Variants in CELF2 observed in about 807,000 individuals in gnomAD.
CELF2 encodes the protein CUGBP Elav-like family member 2.
Under a neutral mutation model 62.6 loss-of-function variants are expected in CELF2, and 8 were observed. The ratio of observed to expected loss-of-function variants is 0.13; its 90% CI spans 0.07 to 0.23. The LOEUF is 0.23. Ranked by LOEUF, CELF2 falls within the 10% of genes least tolerant of loss-of-function variation. CELF2 has a pLI of 1.00. For missense variants in CELF2, 333 were observed against 671.0 expected, an observed-to-expected ratio of 0.50 and a Z score of 5.56; for synonymous variants, 258 against 250.0, an observed-to-expected ratio of 1.03 and a Z score of -0.30.
chr10:11,004,663 T>C (rs570040739), upstream of CELF2, among the ~76,000 whole-genome samples: 28 of 152,252 alleles, frequency 1.8e-4, no homozygotes, highest in African/African-American at 5.8e-4. This position sits in a 1 kb window ranked among gnomAD's most constrained non-coding sequence, Gnocchi z 5.0. Flanking sequence ...GCCTGCCTCC[T>C]TTAGATACCC....
the CELF2 span, among the ~76,000 whole-genome samples, chr10:10,557,642 A>G: frequency 2.0e-5 from 3 of 152,050 alleles, no homozygotes; most frequent in Non-Finnish European, 2.9e-5. Flanking sequence ...CCATTTTCAC[A>G]ATATTGATTC....
At chr10:10,946,341 G>A (rs2047680230) in intron 2 of CELF2, 1 of 152,414 alleles carries the variant, frequency 6.6e-6, no homozygotes, top group South Asian at 2.1e-4. Context: ...CATTAAGGGT[G>A]TAGAAATTGT....
intron 2 of CELF2, among the ~76,000 whole-genome samples, chr10:11,172,725 A>C (rs1215464184): frequency 6.6e-6 from 1 of 152,256 alleles, no homozygotes; most frequent in Non-Finnish European, 1.5e-5. Flanking sequence ...AAAGACCGAC[A>C]GAGCGAGCTA....
intron 2 of CELF2, among the ~76,000 whole-genome samples, chr10:10,989,995 A>C (rs1436098028): frequency 6.6e-6 from 1 of 152,172 alleles, no homozygotes; most frequent in Non-Finnish European, 1.5e-5. Context: ...ACTCTTGTAT[A>C]TGGGGGAATG....
intron 1 of CELF2, among the ~76,000 whole-genome samples, chr10:11,132,183 T>C (rs988212729): frequency 2.0e-5 from 3 of 152,382 alleles, no homozygotes; most frequent in Middle Eastern, 3.4e-3. Context: ...TAAACATGTC[T>C]ACCAGTGTGT....
At chr10:10,869,450 T>C (rs892056823) in intron 1 of CELF2, among the ~76,000 whole-genome samples, 1 of 151,990 alleles carries the variant, frequency 6.6e-6, no homozygotes, top group Non-Finnish European at 1.5e-5. Flanking sequence ...TAATCCCAGC[T>C]ACTTGGGAGG....
At chr10:10,505,548 G>A in the CELF2 span, among the ~76,000 whole-genome samples, 1 of 151,990 alleles carries the variant, frequency 6.6e-6, no homozygotes. Flanking sequence ...AGGGAAAGGG[G>A]GACCTCATTA....
intron 1 of CELF2, among the ~76,000 whole-genome samples, chr10:11,105,930 G>C (rs143203330): frequency 1.2e-3 from 185 of 152,318 alleles, no homozygotes; most frequent in African/African-American, 4.3e-3. Context: ...GCATTATATA[G>C]TGTCTGGTTC....
chr10:11,054,086 A>G (rs2064595952), intron 1 of CELF2, among the ~76,000 whole-genome samples: 1 of 152,252 alleles, frequency 6.6e-6, no homozygotes, highest in Admixed American at 6.5e-5. Context: ...AGTAAGCAAC[A>G]CATAATTCAA....
At chr10:10,722,180 G>A in the CELF2 span, among the ~76,000 whole-genome samples, 26 of 151,992 alleles carry the variant, frequency 1.7e-4, no homozygotes, top group East Asian at 5.0e-3. Flanking sequence ...GCACAAACCT[G>A]TAGTCCCAGC....
the CELF2 span, among the ~76,000 whole-genome samples, chr10:10,735,227 A>G: frequency 1.3e-5 from 2 of 152,226 alleles, no homozygotes; most frequent in African/African-American, 4.8e-5. Context: ...TCAATATTTT[A>G]ATGTGAAGTT....
chr10:11,187,541 G>A (rs1465044480), intron 2 of CELF2, among the ~76,000 whole-genome samples: 1 of 150,148 alleles, frequency 6.7e-6, no homozygotes, highest in Non-Finnish European at 1.5e-5. Context: ...TGTTGATAAA[G>A]TTTGGTTTAG....
chr10:10,703,636 G>A, the CELF2 span, among the ~76,000 whole-genome samples: 5 of 152,344 alleles, frequency 3.3e-5, no homozygotes, highest in South Asian at 6.2e-4. Flanking sequence ...TGGTTCTAAT[G>A]TACAGCTAGG....
At chr10:11,192,266 C>T (rs938958445) in intron 2 of CELF2, among the ~76,000 whole-genome samples, 1 of 152,240 alleles carries the variant, frequency 6.6e-6, no homozygotes, top group African/African-American at 2.4e-5. Context: ...CCCCTTGATC[C>T]CAGCAAGGCT....
rs1397625723 is a variant in CELF2, at chr10:11,309,223, G to C, written c.977-4916G>C. Among the ~76,000 whole-genome samples, 1 of 152,182 alleles carries C rather than the reference G, an allele frequency of 6.6e-6. No homozygotes were observed. The highest frequency in any genetic ancestry group is 2.4e-5 in the African/African-American group (1 of 41,438). On this transcript the variant is annotated intron_variant, in intron 9 of 12. Coordinates refer to ENST00000633077, the MANE Select transcript of CELF2 (RefSeq NM_001326342.2). This position sits in a 1 kb window ranked among gnomAD's most constrained non-coding sequence, Gnocchi z 5.6. ...ATATCATAGCTTTCTATTAACAACA[G>C]GACATTGTAGATGTTACAGCACTTC...
chr10:10,955,880 C>G (rs1334908520), intron 2 of CELF2, among the ~76,000 whole-genome samples: 1 of 152,170 alleles, frequency 6.6e-6, no homozygotes, highest in Admixed American at 6.5e-5. Flanking sequence ...GAAACGGAAG[C>G]TCCAAGAGGC....
chr10:10,715,758 G>A, the CELF2 span, among the ~76,000 whole-genome samples: 3 of 152,284 alleles, frequency 2.0e-5, no homozygotes, highest in South Asian at 2.1e-4. Flanking sequence ...TAGGGTTGCT[G>A]TAAGGATAAG....
chr10:10,702,918 C>T, the CELF2 span, among the ~76,000 whole-genome samples: 1 of 152,170 alleles, frequency 6.6e-6, no homozygotes. Context: ...ATTTCTCTGG[C>T]CCTTTCTTTA....
At chr10:10,944,144 C>G (rs113322533) in intron 2 of CELF2, 1 of 152,544 alleles carries the variant, frequency 6.6e-6, no homozygotes, top group Admixed American at 6.5e-5. Flanking sequence ...GTGTCCCTAC[C>G]CCACCACAAA....
Sources: allele counts gnomAD v4.1 joint callset (sites outside exome capture counted in the v4.1 genomes callset), GRCh38; gene constraint gnomAD v4.1.1; non-coding constraint Gnocchi (gnomAD v3.1); transcripts MANE v1.5; gene names NCBI Gene and HGNC (gene_info 2026-07-23, HGNC 2026-07-21).